The following ARHGEF17 variants were observed in gnomAD, a reference collection of about 807,000 sequenced individuals.
The protein encoded by ARHGEF17 is 164 kDa Rho-specific guanine-nucleotide exchange factor.
In ARHGEF17, 80 loss-of-function variants were observed where a neutral mutation model predicts 174.0. The observed-to-expected ratio is 0.46, with a 90% CI of 0.38 to 0.55. ARHGEF17 has a LOEUF of 0.55. Among genes scored for constraint, ARHGEF17 ranks in the 20% least tolerant of loss-of-function variants. The probability of loss-of-function intolerance (pLI) is 0.00; values close to 1 mark genes in which losing one functional copy is unlikely to be tolerated. For synonymous variants in ARHGEF17, 1,311 were observed against 1,189.1 expected (o/e 1.10, Z -2.11); for missense variants, 2,886 against 2,839.7 (o/e 1.02, Z -0.37).
intron 2 of ARHGEF17, among the ~76,000 whole-genome samples, chr11:73,350,690 G>A (rs930267684): frequency 6.6e-6 from 1 of 152,156 alleles, no homozygotes; most frequent in African/African-American, 2.4e-5. Flanking sequence ...CTTCCTCAGT[G>A]TCACCCTCAC....
At chr11:73,359,761 G>A in intron 9 of ARHGEF17, 73 bp from the exon 10 acceptor site, 5 of 1,291,598 alleles carry the variant, frequency 3.9e-6, no homozygotes, top group Non-Finnish European at 4.2e-6. Context: ...TATGCAGTGA[G>A]GGAAGGAGAG....
chr11:73,366,482 A>G (rs551096474), intron 20 of ARHGEF17, among the ~76,000 whole-genome samples: 28 of 152,294 alleles, frequency 1.8e-4, no homozygotes, highest in Non-Finnish European at 3.2e-4. Flanking sequence ...TAATCCCAGC[A>G]GTTTGGGAGG....
At chr11:73,314,905 C>G (rs558448449) in intron 1 of ARHGEF17, among the ~76,000 whole-genome samples, 6 of 152,172 alleles carry the variant, frequency 3.9e-5, no homozygotes, top group Non-Finnish European at 8.8e-5. Context: ...ACACATGCCA[C>G]AACTGTAGCC....
Position 73,309,771 on chromosome 11 carries a change from C to CCTCG in ARHGEF17, c.1134_1137dup (p.Tyr380LeufsTer12). The CCTCG allele has an allele frequency of 6.2e-7, 1 of 1,613,030 alleles. No individual in the cohort carries two copies. Among genetic ancestry groups the CCTCG allele is most frequent in the Admixed American group, 1.7e-5 (1 of 60,030 alleles). ...TTCCGTGTGGCCAAGGTGAGCTTTC[C>CCTCG]CTCGTACCTGGCCAGCCCCGCAGGC... On this transcript the variant is annotated frameshift_variant, in exon 1 of 21. Transcript: ENST00000263674. LOFTEE classifies it high-confidence loss of function.
chr11:73,321,042 T>A (rs950339144), intron 1 of ARHGEF17, among the ~76,000 whole-genome samples: 1 of 152,178 alleles, frequency 6.6e-6, no homozygotes, highest in Non-Finnish European at 1.5e-5. Flanking sequence ...CCTCCCCTCA[T>A]GACTGAGATG....
At chr11:73,335,072 C>T (rs575875701) in intron 1 of ARHGEF17, among the ~76,000 whole-genome samples, 2 of 152,258 alleles carry the variant, frequency 1.3e-5, no homozygotes, top group South Asian at 4.2e-4. Flanking sequence ...AGGTTTTAAG[C>T]CAGGGCTGGG....
In ARHGEF17 at chr11:73,341,893, G is replaced by T. The variant is rs78023547; in HGVS notation, c.3193-4990G>T. 3.2e-3 allele frequency among the ~76,000 whole-genome samples: 494 copies of T among 152,316 alleles called. 1 individual carries two copies. Among genetic ancestry groups the T allele is most frequent in the Non-Finnish European group, 5.2e-3 (355 of 68,020 alleles). Reference sequence around the variant, plus strand: ...CAGCGTGCAGCACACTAAAAGGCATGAAGTTGGCCAGGGCTGAGGCACAGC... The same window carrying T: ...CAGCGTGCAGCACACTAAAAGGCATTAAGTTGGCCAGGGCTGAGGCACAGC... On this transcript the variant is annotated intron_variant, in intron 1 of 20. Coordinates refer to ENST00000263674, the MANE Select transcript of ARHGEF17 (RefSeq NM_014786.4).
Position 73,365,390 on chromosome 11 carries a change from C to T in ARHGEF17, c.5551C>T (p.His1851Tyr). The T allele has an allele frequency of 6.2e-7, 1 of 1,613,870 alleles. No individual in the cohort carries two copies. Among genetic ancestry groups the T allele is most frequent in the African/African-American group, 1.3e-5 (1 of 75,036 alleles). The change falls in exon 19 of 21, where the codon CAC becomes TAC. Residue 1851 changes from histidine (H) to tyrosine (Y), a missense_variant and splice_region_variant. Coordinates refer to ENST00000263674, the MANE Select transcript of ARHGEF17 (RefSeq NM_014786.4). This position sits in a 1 kb window ranked among gnomAD's most constrained non-coding sequence, Gnocchi z 4.9. ...CCATCTTCTCCCCCGCCTTCCCCAG[C>T]ACATGTTTTACGTGGGTCAGGATTC... ...VLSPDTLQLE[H>Y]MFYVGQDSSR...
At chr11:73,348,571 C>A (rs1200280953) in intron 2 of ARHGEF17, among the ~76,000 whole-genome samples, 16 of 152,040 alleles carry the variant, frequency 1.1e-4, no homozygotes. Flanking sequence ...TAGTCAGACT[C>A]AGAGATGGAA....
At chr11:73,330,959 G>A (rs917741704) in intron 1 of ARHGEF17, among the ~76,000 whole-genome samples, 1 of 152,194 alleles carries the variant, frequency 6.6e-6, no homozygotes, top group East Asian at 1.9e-4. Context: ...CCCTCTGCCA[G>A]CCCTCTGGAT....
At chr11:73,344,068 C>T (rs1865420702) in intron 1 of ARHGEF17, among the ~76,000 whole-genome samples, 1 of 152,194 alleles carries the variant, frequency 6.6e-6, no homozygotes, top group African/African-American at 2.4e-5. Context: ...CCCCCTCTGT[C>T]TTCCTGCTGT....
At chr11:73,327,579 TAG>T (rs1356782447) in intron 1 of ARHGEF17, among the ~76,000 whole-genome samples, 4 of 152,164 alleles carry the variant, frequency 2.6e-5, no homozygotes, top group African/African-American at 9.7e-5. Context: ...ACGAAAAATG[TAG>T]AATGAGTAGG....
rs776091012 is a variant in ARHGEF17 at position 73,356,003 on chromosome 11, G to T, written c.3663+50G>T. 4 of 1,608,674 alleles carry T rather than the reference G, an allele frequency of 2.5e-6. No homozygotes were observed. The African/African-American group carries it at 5.3e-5, about 22-fold the overall frequency. ...GTGGGCAAGGCCTGGAAGCATGGGG[G>T]GATACAAGGAGGTCTAAGGCCCCTG... On this transcript the variant is annotated intron_variant, in intron 5 of 20. Transcript: ENST00000263674.
intron 2 of ARHGEF17, among the ~76,000 whole-genome samples, chr11:73,351,500 A>G (rs1218366600): frequency 6.6e-6 from 1 of 152,210 alleles, no homozygotes; most frequent in African/African-American, 2.4e-5. Flanking sequence ...AATCTGTATA[A>G]CAGCGTTCAG....
intron 4 of ARHGEF17, 100 bp from the exon 5 acceptor site, chr11:73,355,761 C>T (rs952039229): frequency 1.5e-5 from 24 of 1,562,450 alleles, no homozygotes; most frequent in East Asian, 2.2e-5. Context: ...GGCCAGCCTC[C>T]GCTCTCAGGC....
intron 1 of ARHGEF17, among the ~76,000 whole-genome samples, chr11:73,320,490 A>G (rs1429707055): frequency 6.6e-6 from 1 of 151,312 alleles, no homozygotes; most frequent in Non-Finnish European, 1.5e-5. Context: ...AAAAAAAATT[A>G]GCAGGGCGTA....
At chr11:73,315,654 G>T (rs1478488385) in intron 1 of ARHGEF17, among the ~76,000 whole-genome samples, 1 of 152,144 alleles carries the variant, frequency 6.6e-6, no homozygotes, top group Non-Finnish European at 1.5e-5. Flanking sequence ...GCAGGAGGGG[G>T]TGAGATGAGG....
Position 73,309,642 on chromosome 11 carries a change from C to T in ARHGEF17, c.1004C>T (p.Ala335Val). The T allele has an allele frequency of 1.2e-6, 2 of 1,613,108 alleles. No homozygotes were observed. Among genetic ancestry groups the T allele is most frequent in the South Asian group, 2.2e-5 (2 of 91,090 alleles). ...CCTGAGCCCCCAACATCTCCAAGAG[C>T]CCCTAGAGAAGAAGGACTCCGGGAG... ...GSPEPPTSPRAPREEGLREWG... is the reference protein window; with the variant it reads ...GSPEPPTSPRVPREEGLREWG... Residue 335 changes from alanine to valine, a missense_variant, in exon 1 of 21, where the codon GCC (alanine) becomes GTC (valine). By Grantham distance (64) the Ala-to-Val change is moderately conservative (BLOSUM62 0). Coordinates refer to ENST00000263674, the MANE Select transcript of ARHGEF17 (RefSeq NM_014786.4).
chr11:73,310,158 C>G lies in ARHGEF17; in HGVS notation c.1520C>G (p.Ser507Ter). The change falls in exon 1 of 21, where the codon TCA becomes TGA. Residue 507 changes from serine to a stop codon, truncating the protein, a stop_gained. Coordinates refer to ENST00000263674, the MANE Select transcript of ARHGEF17 (RefSeq NM_014786.4). LOFTEE classifies it high-confidence loss of function. The part of the protein sequence containing the change: ...RGSNPLDGRD[S>*]PSAGGPVGQL... ...AGCAACCCCCTAGATGGCAGAGACT[C>G]ACCATCCGCAGGTGGCCCTGTGGGG... is the stretch of plus-strand genomic sequence containing the variant. 1 of 1,614,008 alleles carries G rather than the reference C, an allele frequency of 6.2e-7. No homozygotes were observed. Among genetic ancestry groups the G allele is most frequent in the Non-Finnish European group, 8.5e-7 (1 of 1,179,992 alleles).
Sources: gnomAD v4.1 joint callset for allele counts (sites outside exome capture counted in the v4.1 genomes callset) on GRCh38, gnomAD v4.1.1 for gene constraint, Gnocchi (gnomAD v3.1) non-coding constraint, MANE v1.5 for transcripts, NCBI Gene and HGNC (gene_info 2026-07-23, HGNC 2026-07-21) for gene names.